CCN4: variants seen among roughly 807,000 people sequenced by gnomAD.
CCN4 encodes CCN family member 4.
CCN4 carries 30 observed loss-of-function variants against 36.7 expected under a neutral mutation model. The ratio of observed to expected loss-of-function variants is 0.82; its 90% CI spans 0.61 to 1.11. The LOEUF (loss-of-function observed/expected upper bound fraction) is 1.11, where lower values mean the gene tolerates loss of function less well. CCN4 is among the 50% of genes least tolerant of loss of function. The pLI is 0.00. For missense variants in CCN4, 505 were observed against 504.9 expected (o/e 1.00, Z 0.00); for synonymous variants, 191 against 195.4 (o/e 0.98, Z 0.19).
At position 133,230,020 on chromosome 8, in the gene CCN4, G is replaced by T. The variant is rs1405914297; in HGVS notation, c.*2310G>T. ...CATTTGAAATTCAGTGGAAACCCAA[G>T]AGCTAGGTTCTTACTGAATTTGCAT... On this transcript the variant is annotated 3_prime_UTR_variant, in exon 5 of 5. Coordinates refer to ENST00000250160, the MANE Select transcript of CCN4 (RefSeq NM_003882.4). 1 of 152,226 alleles carries T rather than the reference G, an allele frequency of 6.6e-6. No homozygotes were observed. Among genetic ancestry groups the T allele is most frequent in the East Asian group, 1.9e-4 (1 of 5,204 alleles). The allele number at this position is 152,226 out of a possible 1,614,324, so 9.4% of individuals were successfully genotyped here. A position where few individuals can be genotyped will look rare whatever the true frequency, so the allele number is the denominator to read the frequency against.
intron 2 of CCN4, among the ~76,000 whole-genome samples, chr8:133,216,322 T>C (rs1854320149): frequency 6.6e-6 from 1 of 151,982 alleles, no homozygotes; most frequent in Admixed American, 6.6e-5. Flanking sequence ...ACAAGGCAGG[T>C]AATAAAAATG....
intron 2 of CCN4, among the ~76,000 whole-genome samples, 160 bp from the exon 3 acceptor site, chr8:133,220,421 C>G (rs1274401401): frequency 6.6e-6 from 1 of 152,212 alleles, no homozygotes; most frequent in East Asian, 1.9e-4. Context: ...CCTGTGCACT[C>G]TCACACCTCC....
chr8:133,217,452 G>T (rs545495278), intron 2 of CCN4, among the ~76,000 whole-genome samples: 1 of 152,352 alleles, frequency 6.6e-6, no homozygotes, highest in South Asian at 2.1e-4. Context: ...TCTGAGATTA[G>T]ATAGGAGGTA....
intron 3 of CCN4, among the ~76,000 whole-genome samples, chr8:133,224,235 T>TCC: frequency 9.1e-6 from 1 of 110,434 alleles, no homozygotes; most frequent in Non-Finnish European, 2.1e-5. Context: ...AGTCCTTTTT[T>TCC]TTTTTTTTTT....
intron 1 of CCN4, among the ~76,000 whole-genome samples, chr8:133,206,865 G>A (rs1418807701): frequency 6.6e-6 from 1 of 152,194 alleles, no homozygotes; most frequent in Non-Finnish European, 1.5e-5. Flanking sequence ...TCTTGGACAG[G>A]CTTTTTCATT....
intron 2 of CCN4, among the ~76,000 whole-genome samples, chr8:133,214,507 G>GGTGGTT (rs1554743075): frequency 1.3e-5 from 2 of 151,438 alleles, no homozygotes; most frequent in African/African-American, 2.4e-5. Context: ...GTTTGGAGGT[G>GGTGGTT]GTTGTTGTTG....
intron 1 of CCN4, among the ~76,000 whole-genome samples, chr8:133,207,944 A>G (rs1194971062): frequency 6.7e-6 from 1 of 150,248 alleles, no homozygotes; most frequent in Non-Finnish European, 1.5e-5. Context: ...ATAATTGTCT[A>G]GCTGCTTCTT....
chr8:133,192,459 A>G (rs897204354), intron 1 of CCN4, among the ~76,000 whole-genome samples: 4 of 152,194 alleles, frequency 2.6e-5, no homozygotes. Flanking sequence ...TATCAGCTCC[A>G]TTTCACAAAT....
chr8:133,229,515 G>A lies in CCN4; in HGVS notation c.*1805G>A, dbSNP rs1297546183. On this transcript the variant is annotated 3_prime_UTR_variant, in exon 5 of 5. Coordinates refer to ENST00000250160, the MANE Select transcript of CCN4 (RefSeq NM_003882.4). ...CATCACACATTTAAAAGATGATTCT[G>A]TTTACCCAATGCTGCATATTGAATG... is the stretch of plus-strand genomic sequence containing the variant. 6.6e-6 allele frequency: 1 copy of A among 152,186 alleles called. No individual in the cohort carries two copies. Among genetic ancestry groups the A allele is most frequent in the Non-Finnish European group, 1.5e-5 (1 of 68,032 alleles). 9.4% of individuals were successfully genotyped at this position (152,186 alleles called of 1,614,324 possible). A position where few individuals can be genotyped will look rare whatever the true frequency, so the allele number is the denominator to read the frequency against.
chr8:133,213,146 A>G lies in CCN4; in HGVS notation c.349+3A>G, dbSNP rs1299371136. 6.9e-7 allele frequency: 1 copy of G among 1,446,718 alleles called. No homozygotes were observed. The highest frequency in any genetic ancestry group is 3.0e-5 in the African/African-American group (1 of 33,338). 89.6% of individuals were successfully genotyped at this position (1,446,718 alleles called of 1,614,324 possible). A position where few individuals can be genotyped will look rare whatever the true frequency, so the allele number is the denominator to read the frequency against. ...GTACGCAATAGGAGTGTGTGCACGT[A>G]AGTGAGTCCTCCATACCTTCTGACC... On this transcript the variant is annotated splice_donor_region_variant and intron_variant, in intron 2 of 4. Transcript: ENST00000250160.
intron 1 of CCN4, among the ~76,000 whole-genome samples, chr8:133,192,971 C>T (rs1853170001): frequency 6.6e-6 from 1 of 152,180 alleles, no homozygotes; most frequent in Non-Finnish European, 1.5e-5. Flanking sequence ...TCTAGGCAGC[C>T]CCTGCCTGGG....
chr8:133,191,220 C>T lies in CCN4; in HGVS notation c.69+7C>T. 6.2e-7 allele frequency: 1 copy of T among 1,604,728 alleles called. No individual in the cohort carries two copies. The highest frequency in any genetic ancestry group is 8.5e-7 in the Non-Finnish European group (1 of 1,179,354). On this transcript the variant is annotated splice_region_variant and intron_variant, in intron 1 of 4. Transcript: ENST00000250160. ...CAGCACCGTCCTGGCCACGGTGAGTCCTGCCTGGAGGGGCTCAGAGGGAGA... is the reference window on the plus strand; with the variant it reads ...CAGCACCGTCCTGGCCACGGTGAGTTCTGCCTGGAGGGGCTCAGAGGGAGA...
In CCN4 at chr8:133,215,016, G is replaced by A. The variant is rs138294660; in HGVS notation, c.349+1873G>A. On this transcript the variant is annotated intron_variant, in intron 2 of 4. Coordinates refer to ENST00000250160, the MANE Select transcript of CCN4 (RefSeq NM_003882.4). The stretch of plus-strand genomic sequence containing the variant: ...TTGGTTCATGCTTCAACTTTCACAC[G>A]AATCCTTGTGTCTTTGGCTTTCTGT... Among the ~76,000 whole-genome samples, 555 of 152,220 alleles carry A rather than the reference G, an allele frequency of 3.6e-3. 3 individuals are homozygous for A. The highest frequency in any genetic ancestry group is 0.012 in the African/African-American group (492 of 41,520).
chr8:133,198,097 T>G (rs1377484387), intron 1 of CCN4, among the ~76,000 whole-genome samples: 2 of 152,184 alleles, frequency 1.3e-5, no homozygotes, highest in Non-Finnish European at 2.9e-5. Context: ...GAGATTGGAC[T>G]TGATCCCAAA....
At position 133,225,557 on chromosome 8, in the gene CCN4, G is replaced by A. The variant is rs202087900; in HGVS notation, c.778G>A (p.Asp260Asn). 23 of 1,612,880 alleles carry A rather than the reference G, an allele frequency of 1.4e-5. No individual in the cohort carries two copies. The highest frequency in any genetic ancestry group is 1.3e-4 in the East Asian group (6 of 44,854). Residue 260 changes from aspartate to asparagine, a missense_variant, in exon 4 of 5, where the codon GAT becomes AAT. Coordinates refer to ENST00000250160, the MANE Select transcript of CCN4 (RefSeq NM_003882.4). ...ESRLCNLRPC[D>N]VDIHTLIKAG... The stretch of plus-strand genomic sequence containing the variant: ...CCGCCTCTGCAACTTGCGGCCATGC[G>A]ATGTGGACATCCATACACTCATTAA...
At chr8:133,213,223 C>A in intron 2 of CCN4, 80 bp downstream of exon 2, 1 of 1,503,942 alleles carries the variant, frequency 6.6e-7, no homozygotes, top group African/African-American at 1.4e-5. Flanking sequence ...CTTGGCACCC[C>A]CACAGCCTTT....
intron 1 of CCN4, 76 bp from the exon 2 acceptor site, chr8:133,212,788 A>C: frequency 8.7e-7 from 1 of 1,150,838 alleles, no homozygotes; most frequent in Non-Finnish European, 1.2e-6. Context: ...GAGGACAGGA[A>C]TGCAATGGCA....
intron 1 of CCN4, among the ~76,000 whole-genome samples, chr8:133,206,173 C>G (rs1853764561): frequency 6.6e-6 from 1 of 152,178 alleles, no homozygotes; most frequent in South Asian, 2.1e-4. Context: ...CCACACATTT[C>G]CTTCAGGATG....
chr8:133,217,528 G>A (rs1284811642), intron 2 of CCN4, among the ~76,000 whole-genome samples: 4 of 152,170 alleles, frequency 2.6e-5, no homozygotes, highest in Non-Finnish European at 5.9e-5. Context: ...TGAGTCAGCT[G>A]AAGGGACCAT....
Sources: gnomAD v4.1 joint callset for allele counts (sites outside exome capture counted in the v4.1 genomes callset) on GRCh38, gnomAD v4.1.1 for gene constraint, MANE v1.5 for transcripts, NCBI Gene and HGNC (gene_info 2026-07-23, HGNC 2026-07-21) for gene names.